Variants in OR1N2 observed in about 807,000 individuals in gnomAD.
OR1N2 encodes the protein olfactory receptor 1N2.
For missense variants in OR1N2, 358 were observed against 380.2 expected, an observed-to-expected ratio of 0.94 and a Z score of 0.49; for synonymous variants, 152 against 149.3, an observed-to-expected ratio of 1.02 and a Z score of -0.13.
chr9:122,553,472 C>T lies in OR1N2; in HGVS notation c.261C>T (p.Asn87=). 6.2e-7 allele frequency: 1 copy of T among 1,614,126 alleles called. No homozygotes were observed. Among genetic ancestry groups the T allele is most frequent in the South Asian group, 1.1e-5 (1 of 91,074 alleles). The change falls in exon 1 of 1, where the codon AAC becomes AAT. Residue 87 remains asparagine, a synonymous_variant. Coordinates refer to ENST00000373688, the MANE Select transcript of OR1N2 (RefSeq NM_001004457.2). ...CCTCCATCCCCAAAATGCTGGCCAA[C>T]ATTCATACCCAGAGTCAGATCATCT... The part of the protein sequence containing the change: ...TSASIPKMLA[N]IHTQSQIISY...
Position 122,553,156 on chromosome 9 carries a change from A to G in OR1N2, c.-56A>G, listed in dbSNP as rs1829213115. 6.4e-7 allele frequency: 1 copy of G among 1,572,264 alleles called. No homozygotes were observed. Among genetic ancestry groups the G allele is most frequent in the African/African-American group, 1.4e-5 (1 of 73,514 alleles). ...GCATATCTGTAAATTGATCTAATAA[A>G]TAAATACTGACACATGGAAGGTTTT... On this transcript the variant is annotated 5_prime_UTR_variant, in exon 1 of 1. Transcript: ENST00000373688.
chr9:122,554,082 T>G lies in OR1N2; in HGVS notation c.871T>G (p.Phe291Val), dbSNP rs1205340304. The G allele has an allele frequency of 6.2e-7, 1 of 1,613,416 alleles. No homozygotes were observed. Among genetic ancestry groups the G allele is most frequent in the Non-Finnish European group, 8.5e-7 (1 of 1,179,524 alleles). The change falls in exon 1 of 1, where the codon TTC (phenylalanine) becomes GTC (valine). Residue 291 changes from phenylalanine to valine, a missense_variant. Phe to Val is a conservative substitution (Grantham distance 50). Coordinates refer to ENST00000373688, the MANE Select transcript of OR1N2 (RefSeq NM_001004457.2). ...GGTGATTATTCCCACGCTAAACCCA[T>G]TCATTTATAGCTTGAGGAACAGAGA... ...YMVIIPTLNP[F>V]IYSLRNRDMK...
chr9:122,554,170 T>A lies in OR1N2; in HGVS notation c.*8T>A, dbSNP rs769560109. 7 of 1,599,766 alleles carry A rather than the reference T, an allele frequency of 4.4e-6. No individual in the cohort carries two copies. The highest frequency in any genetic ancestry group is 6.0e-6 in the Non-Finnish European group (7 of 1,171,760). Reference sequence around the variant, plus strand: ...AAAACATTCTTTTTATGATTAGACATCTAGACGGTGATGTCTAATCTTGAT... The same window carrying A: ...AAAACATTCTTTTTATGATTAGACAACTAGACGGTGATGTCTAATCTTGAT... On this transcript the variant is annotated 3_prime_UTR_variant, in exon 1 of 1. Coordinates refer to ENST00000373688, the MANE Select transcript of OR1N2 (RefSeq NM_001004457.2).
chr9:122,553,425 A>C lies in OR1N2; in HGVS notation c.214A>C (p.Thr72Pro). ...CTTCTTTCTGGCCAACCTGTCATTAACTGATGCCTGTTTCACTTCTGCCTC... is the reference window on the plus strand; with the variant it reads ...CTTCTTTCTGGCCAACCTGTCATTACCTGATGCCTGTTTCACTTCTGCCTC... ...MYFFLANLSL[T>P]DACFTSASIP... The change falls in exon 1 of 1, where the codon ACT becomes CCT. Residue 72 changes from threonine to proline, a missense_variant. Thr to Pro is a conservative substitution (Grantham distance 38). Coordinates refer to ENST00000373688, the MANE Select transcript of OR1N2 (RefSeq NM_001004457.2). The C allele has an allele frequency of 6.2e-7, 1 of 1,614,064 alleles. No individual in the cohort carries two copies. The highest frequency in any genetic ancestry group is 1.7e-5 in the Admixed American group (1 of 60,016).
At position 122,554,032 on chromosome 9, in the gene OR1N2, A is replaced by T; in HGVS notation, c.821A>T (p.Glu274Val). Residue 274 changes from glutamate to valine, a missense_variant, in exon 1 of 1, where the codon GAA (glutamate) becomes GTA (valine). Coordinates refer to ENST00000373688, the MANE Select transcript of OR1N2 (RefSeq NM_001004457.2). ...CCATCAACTTACTCTACAGAGAGGG[A>T]AAGTAGGGCTGCTGTTCTCTATATG... ...LPPSTYSTER[E>V]SRAAVLYMVI... 5 of 1,613,788 alleles carry T rather than the reference A, an allele frequency of 3.1e-6. No homozygotes were observed. The highest frequency in any genetic ancestry group is 4.2e-6 in the Non-Finnish European group (5 of 1,179,778).
rs114238765 is a variant in OR1N2, at chr9:122,553,584, C to G, written c.373C>G (p.Arg125Gly). 1 of 1,614,010 alleles carries G rather than the reference C, an allele frequency of 6.2e-7. No homozygotes were observed. The highest frequency in any genetic ancestry group is 8.5e-7 in the Non-Finnish European group (1 of 1,179,986). The change falls in exon 1 of 1, where the codon CGC (arginine) becomes GGC (glycine). Residue 125 changes from arginine to glycine, a missense_variant. Transcript: ENST00000373688. ...CCTGCTGGCTGTGATGGCATATGACCGCTATGTGGCCATCTGCCAACCACT... is the reference window on the plus strand; with the variant it reads ...CCTGCTGGCTGTGATGGCATATGACGGCTATGTGGCCATCTGCCAACCACT... ...NCLLAVMAYD[R>G]YVAICQPLHY...
At position 122,554,019 on chromosome 9, in the gene OR1N2, T is replaced by G. The variant is rs1385805915; in HGVS notation, c.808T>G (p.Ser270Ala). Residue 270 changes from serine (S) to alanine (A), a missense_variant, in exon 1 of 1, where the codon TCT (serine) becomes GCT (alanine). By Grantham distance (99) the Ser-to-Ala change is moderately conservative (BLOSUM62 1). Transcript: ENST00000373688. ...GTATTTACTTCCTCCATCAACTTAC[T>G]CTACAGAGAGGGAAAGTAGGGCTGC... ...GVYLLPPSTY[S>A]TERESRAAVL... 6 of 1,613,820 alleles carry G rather than the reference T, an allele frequency of 3.7e-6. No individual in the cohort carries two copies. Among genetic ancestry groups the G allele is most frequent in the Non-Finnish European group, 3.4e-6 (4 of 1,179,834 alleles).
rs1339039612 is a variant in OR1N2, at chr9:122,554,056, T to C, written c.845T>C (p.Met282Thr). ...ERESRAAVLY[M>T]VIIPTLNPFI... ...GAAAGTAGGGCTGCTGTTCTCTATA[T>C]GGTGATTATTCCCACGCTAAACCCA... is the stretch of plus-strand genomic sequence containing the variant. Residue 282 changes from methionine (M) to threonine (T), a missense_variant, in exon 1 of 1, where the codon ATG becomes ACG. Met to Thr is a moderately conservative substitution (Grantham distance 81, BLOSUM62 -1). Coordinates refer to ENST00000373688, the MANE Select transcript of OR1N2 (RefSeq NM_001004457.2). 5 of 1,613,770 alleles carry C rather than the reference T, an allele frequency of 3.1e-6. No homozygotes were observed. The highest frequency in any genetic ancestry group is 2.2e-5 in the East Asian group (1 of 44,880).
In OR1N2 at chr9:122,553,403, C is replaced by G. The variant is rs1057087408; in HGVS notation, c.192C>G (p.Phe64Leu). ...SDPHLHTPMY[F>L]FLANLSLTDA... ...CACACCTCCATACTCCCATGTACTT[C>G]TTTCTGGCCAACCTGTCATTAACTG... is the stretch of plus-strand genomic sequence containing the variant. The change falls in exon 1 of 1, where the codon TTC (phenylalanine) becomes TTG (leucine). Residue 64 changes from phenylalanine (F) to leucine (L), a missense_variant. Phe to Leu is a conservative substitution (Grantham distance 22, BLOSUM62 0). Coordinates refer to ENST00000373688, the MANE Select transcript of OR1N2 (RefSeq NM_001004457.2). The G allele has an allele frequency of 1.2e-6, 2 of 1,614,058 alleles. No homozygotes were observed. Among genetic ancestry groups the G allele is most frequent in the Admixed American group, 1.7e-5 (1 of 59,996 alleles).
Position 122,553,190 on chromosome 9 carries a change from C to A in OR1N2, c.-22C>A, listed in dbSNP as rs764521032. 6 of 1,610,434 alleles carry A rather than the reference C, an allele frequency of 3.7e-6. No homozygotes were observed. The highest frequency in any genetic ancestry group is 5.1e-6 in the Non-Finnish European group (6 of 1,178,170). On this transcript the variant is annotated 5_prime_UTR_variant, in exon 1 of 1. Transcript: ENST00000373688. ...GACACATGGAAGGTTTTTATCTGCG[C>A]AGATCACACGAACTACAAGGGATGG...
chr9:122,553,931 C>T lies in OR1N2; in HGVS notation c.720C>T (p.Ala240=), dbSNP rs957606670. The T allele has an allele frequency of 2.5e-6, 4 of 1,613,820 alleles. No individual in the cohort carries two copies. The highest frequency in any genetic ancestry group is 1.6e-4 in the Middle Eastern group (1 of 6,084). The change falls in exon 1 of 1, where the codon GCC becomes GCT. Residue 240 remains alanine, a synonymous_variant. Transcript: ENST00000373688. ...VISSPGGRWK[A]FSTCGSHLTV... Reference sequence around the variant, plus strand: ...CATCTCCTGGAGGGAGATGGAAGGCCTTCTCTACCTGTGGTTCTCATCTCA... The same window carrying T: ...CATCTCCTGGAGGGAGATGGAAGGCTTTCTCTACCTGTGGTTCTCATCTCA...
Position 122,553,682 on chromosome 9 carries a change from T to A in OR1N2, c.471T>A (p.Cys157Ter). Residue 157 changes from cysteine to a stop codon, truncating the protein, a stop_gained, in exon 1 of 1, where the codon TGT becomes TGA. Coordinates refer to ENST00000373688, the MANE Select transcript of OR1N2 (RefSeq NM_001004457.2). LOFTEE classifies it low-confidence loss of function (END_TRUNC). Reference sequence around the variant, plus strand: ...GTGTGTGCTGGGTGCTAACCAACTGTCCTGCCCTGATGCACACACTGTTGC... The same window carrying A: ...GTGTGTGCTGGGTGCTAACCAACTGACCTGCCCTGATGCACACACTGTTGC... ...MLGVCWVLTN[C>*]PALMHTLLLT... The A allele has an allele frequency of 6.2e-7, 1 of 1,614,114 alleles. No individual in the cohort carries two copies. The highest frequency in any genetic ancestry group is 1.1e-5 in the South Asian group (1 of 91,072).
rs776630629 is a variant in OR1N2, at chr9:122,553,686, G to A, written c.475G>A (p.Ala159Thr). 2 of 1,614,082 alleles carry A rather than the reference G, an allele frequency of 1.2e-6. No homozygotes were observed. The highest frequency in any genetic ancestry group is 1.7e-5 in the Admixed American group (1 of 60,004). ...GTGCTGGGTGCTAACCAACTGTCCT[G>A]CCCTGATGCACACACTGTTGCTGAC... ...GVCWVLTNCP[A>T]LMHTLLLTRV... The change falls in exon 1 of 1, where the codon GCC (alanine) becomes ACC (threonine). Residue 159 changes from alanine to threonine, a missense_variant. Physicochemically the swap from Ala to Thr is moderately conservative, Grantham distance 58. Coordinates refer to ENST00000373688, the MANE Select transcript of OR1N2 (RefSeq NM_001004457.2).
Position 122,553,948 on chromosome 9 carries a change from C to G in OR1N2, c.737C>G (p.Ser246Cys). Residue 246 changes from serine to cysteine, a missense_variant, in exon 1 of 1, where the codon TCT becomes TGT. Transcript: ENST00000373688. ...TGGAAGGCCTTCTCTACCTGTGGTT[C>G]TCATCTCACGGTGGTTCTGCTCTTC... ...GRWKAFSTCGSHLTVVLLFYG... is the reference protein window; with the variant it reads ...GRWKAFSTCGCHLTVVLLFYG... 3 of 1,613,862 alleles carry G rather than the reference C, an allele frequency of 1.9e-6. No individual in the cohort carries two copies. Among genetic ancestry groups the G allele is most frequent in the Non-Finnish European group, 1.7e-6 (2 of 1,179,826 alleles).
chr9:122,553,758 G>C lies in OR1N2; in HGVS notation c.547G>C (p.Asp183His), dbSNP rs576330403. The change falls in exon 1 of 1, where the codon GAT (aspartate) becomes CAT (histidine). Residue 183 changes from aspartate to histidine, a missense_variant. By Grantham distance (81) the Asp-to-His change is moderately conservative. Coordinates refer to ENST00000373688, the MANE Select transcript of OR1N2 (RefSeq NM_001004457.2). ...GAAAGCCATCCCTCATTTCTATTGT[G>C]ATCCTAGTGCTCTCCTGAAGCTTGC... ...AQKAIPHFYC[D>H]PSALLKLACS... is the part of the protein sequence containing the mutation. The C allele has an allele frequency of 8.7e-6, 14 of 1,614,014 alleles. No individual in the cohort carries two copies. Among genetic ancestry groups the C allele is most frequent in the Non-Finnish European group, 1.2e-5 (14 of 1,179,954 alleles).
At position 122,553,941 on chromosome 9, in the gene OR1N2, T is replaced by A; in HGVS notation, c.730T>A (p.Cys244Ser). Residue 244 changes from cysteine to serine, a missense_variant, in exon 1 of 1, where the codon TGT (cysteine) becomes AGT (serine). Physicochemically the swap from Cys to Ser is moderately radical, Grantham distance 112 (BLOSUM62 -1). Coordinates refer to ENST00000373688, the MANE Select transcript of OR1N2 (RefSeq NM_001004457.2). The stretch of plus-strand genomic sequence containing the variant: ...AGGGAGATGGAAGGCCTTCTCTACC[T>A]GTGGTTCTCATCTCACGGTGGTTCT... ...PGGRWKAFST[C>S]GSHLTVVLLF... 6.2e-7 allele frequency: 1 copy of A among 1,613,806 alleles called. No individual in the cohort carries two copies. The highest frequency in any genetic ancestry group is 2.2e-5 in the East Asian group (1 of 44,896).
rs148945100 is a variant in OR1N2, at chr9:122,553,862, C to T, written c.651C>T (p.Ile217=). The change falls in exon 1 of 1, where the codon ATC becomes ATT. Residue 217 remains isoleucine (I), a synonymous_variant. Transcript: ENST00000373688. ...TCCTCACTGTTCCCCTCCTGCTGAT[C>T]GTCTTCTCCTATGTCCGCATTTTCT... ...LLFLTVPLLL[I]VFSYVRIFWA... is the part of the protein sequence containing the mutation. The T allele has an allele frequency of 1.2e-4, 195 of 1,613,940 alleles. No individual in the cohort carries two copies. Among genetic ancestry groups the T allele is most frequent in the Non-Finnish European group, 1.1e-4 (129 of 1,179,980 alleles).
In OR1N2 at chr9:122,553,669, T is replaced by G; in HGVS notation, c.458T>G (p.Val153Gly). 1 of 1,614,128 alleles carries G rather than the reference T, an allele frequency of 6.2e-7. No individual in the cohort carries two copies. Among genetic ancestry groups the G allele is most frequent in the Non-Finnish European group, 8.5e-7 (1 of 1,180,022 alleles). Residue 153 changes from valine to glycine, a missense_variant, in exon 1 of 1, where the codon GTG becomes GGG. By Grantham distance (109) the Val-to-Gly change is moderately radical (BLOSUM62 -3). Coordinates refer to ENST00000373688, the MANE Select transcript of OR1N2 (RefSeq NM_001004457.2). ...LCALMLGVCW[V>G]LTNCPALMHT... ...GCACTAATGCTGGGTGTGTGCTGGGTGCTAACCAACTGTCCTGCCCTGATG... is the reference window on the plus strand; with the variant it reads ...GCACTAATGCTGGGTGTGTGCTGGGGGCTAACCAACTGTCCTGCCCTGATG...
rs1300788124 is a variant in OR1N2 at position 122,553,421 on chromosome 9, A to G, written c.210A>G (p.Ser70=). 6.2e-7 allele frequency: 1 copy of G among 1,614,010 alleles called. No homozygotes were observed. Among genetic ancestry groups the G allele is most frequent in the African/African-American group, 1.3e-5 (1 of 74,904 alleles). ...TPMYFFLANL[S]LTDACFTSAS... Reference sequence around the variant, plus strand: ...TGTACTTCTTTCTGGCCAACCTGTCATTAACTGATGCCTGTTTCACTTCTG... The same window carrying G: ...TGTACTTCTTTCTGGCCAACCTGTCGTTAACTGATGCCTGTTTCACTTCTG... The change falls in exon 1 of 1, where the codon TCA becomes TCG. Residue 70 remains serine, a synonymous_variant. Coordinates refer to ENST00000373688, the MANE Select transcript of OR1N2 (RefSeq NM_001004457.2).
Sources: allele counts gnomAD v4.1 joint callset, GRCh38; gene constraint gnomAD v4.1.1; transcripts MANE v1.5; gene names NCBI Gene and HGNC (gene_info 2026-07-23, HGNC 2026-07-21).